The following LINS1 variants were observed in gnomAD, a reference collection of about 807,000 sequenced individuals.
LINS1 encodes the protein lines homolog 1.
LINS1 carries 27 observed loss-of-function variants against 41.6 expected under a neutral mutation model. The ratio of observed to expected loss-of-function variants is 0.65; its 90% CI spans 0.48 to 0.89. The LOEUF is 0.89. Among genes scored for constraint, LINS1 ranks in the 40% least tolerant of loss-of-function variants. LINS1 has a pLI of 0.00. For synonymous variants in LINS1, 336 were observed against 312.9 expected (o/e 1.07, Z -0.78); for missense variants, 955 against 884.1 (o/e 1.08, Z -1.02).
chr15:100,599,527 GCTCTTCACCAACAA>G (rs2039383892), intron 1 of LINS1, among the ~76,000 whole-genome samples: 1 of 152,116 alleles, frequency 6.6e-6, no homozygotes, highest in Non-Finnish European at 1.5e-5. Context: ...CTGTTTCTAG[GCTCTTCACCAACAA>G]GTTCTTAGGC....
chr15:100,588,617 A>G (rs564699955), intron 1 of LINS1, among the ~76,000 whole-genome samples: 9 of 152,336 alleles, frequency 5.9e-5, no homozygotes, highest in African/African-American at 2.2e-4. Context: ...AAGGTCACAA[A>G]CTGCTTCTTT....
At chr15:100,587,182 A>G (rs28770807) in intron 1 of LINS1, among the ~76,000 whole-genome samples, 2,089 of 123,794 alleles carry the variant, frequency 0.017, 42 homozygotes, top group Middle Eastern at 0.036. Flanking sequence ...AAAAAAAAAA[A>G]CATTAGCAGT....
rs760940250 is a variant in LINS1, at chr15:100,569,476, G to A, written c.2036C>T (p.Ser679Leu). 98 of 1,614,088 alleles carry A rather than the reference G, an allele frequency of 6.1e-5. No individual in the cohort carries two copies. The highest frequency in any genetic ancestry group is 8.2e-5 in the Non-Finnish European group (97 of 1,180,034). Residue 679 changes from serine (S) to leucine (L), a missense_variant, in exon 7 of 7, where the codon TCA (serine) becomes TTA (leucine). By Grantham distance (145) the Ser-to-Leu change is moderately radical (BLOSUM62 -2). Transcript: ENST00000314742. ...AAATTCTTTCAGAACCAGAGGCCTT[G>A]ATGGAGGCTCAAGGCTAAATTCTTT... ...DKKEFSLEPP[S>L]RPLVLKEFDT...
intron 3 of LINS1, among the ~76,000 whole-genome samples, chr15:100,576,984 G>A (rs2038225939): frequency 6.6e-6 from 1 of 152,108 alleles, no homozygotes; most frequent in Non-Finnish European, 1.5e-5. Flanking sequence ...AACCCTTCAT[G>A]CTAAAAAACT....
intron 1 of LINS1, among the ~76,000 whole-genome samples, chr15:100,585,474 T>C (rs1312272178): frequency 1.3e-5 from 2 of 152,320 alleles, no homozygotes; most frequent in East Asian, 3.9e-4. Context: ...TTGGAACTGT[T>C]TGGACCCAGT....
intron 3 of LINS1, chr15:100,576,553 G>C (rs924702379): frequency 8.5e-5 from 13 of 152,086 alleles, no homozygotes; most frequent in African/African-American, 3.1e-4. Context: ...ACCAAAAAAA[G>C]CCCAGGACCA....
At chr15:100,585,440 C>A (rs2038758723) in intron 1 of LINS1, among the ~76,000 whole-genome samples, 2 of 152,320 alleles carry the variant, frequency 1.3e-5, no homozygotes, top group Admixed American at 1.3e-4. Context: ...AGCAGGGGGC[C>A]TGGTTAACAT....
At chr15:100,600,565 A>AAAAAAAAAC (rs1228533175) in intron 1 of LINS1, among the ~76,000 whole-genome samples, 2 of 150,624 alleles carry the variant, frequency 1.3e-5, no homozygotes, top group Non-Finnish European at 3.0e-5. Flanking sequence ...AAAAAAAAAA[A>AAAAAAAAAC]AAAAAACAGG....
At chr15:100,589,394 T>C (rs1020296185) in intron 1 of LINS1, among the ~76,000 whole-genome samples, 2 of 152,194 alleles carry the variant, frequency 1.3e-5, no homozygotes, top group African/African-American at 4.8e-5. Context: ...TTGTTTTAGA[T>C]ACATATTTTG....
At chr15:100,588,286 C>T (rs1586971) in intron 1 of LINS1, among the ~76,000 whole-genome samples, 27,740 of 152,166 alleles carry the variant, frequency 0.18, 2,785 homozygotes, top group Admixed American at 0.28. Flanking sequence ...TGTGGCTGTA[C>T]TTTCTCTTTT....
At chr15:100,577,262 G>T (rs1377358100) in intron 3 of LINS1, among the ~76,000 whole-genome samples, 1 of 152,184 alleles carries the variant, frequency 6.6e-6, no homozygotes, top group Non-Finnish European at 1.5e-5. Flanking sequence ...TGACATGATT[G>T]TATATCTAGA....
At chr15:100,592,203 T>C (rs1257008950) in intron 1 of LINS1, among the ~76,000 whole-genome samples, 1 of 152,214 alleles carries the variant, frequency 6.6e-6, no homozygotes, top group Non-Finnish European at 1.5e-5. Flanking sequence ...CTGTGGGGTG[T>C]ACTTTCATTT....
rs187018720 is a variant in LINS1 at position 100,595,891 on chromosome 15, G to A, written c.-104+6230C>T. Among the ~76,000 whole-genome samples the A allele has an allele frequency of 2.0e-3, 297 of 152,286 alleles. 1 individual carries two copies. Among genetic ancestry groups the A allele is most frequent in the Non-Finnish European group, 3.7e-3 (254 of 68,028 alleles). The stretch of plus-strand genomic sequence containing the variant: ...CCTCCAAACCCAGGCTGTCTTCCAG[G>A]ATTCTGGTTCCCTCCACCAATCGAA... On this transcript the variant is annotated intron_variant, in intron 1 of 6. Transcript: ENST00000314742.
intron 1 of LINS1, among the ~76,000 whole-genome samples, chr15:100,585,040 A>C (rs1425346763): frequency 1.3e-5 from 2 of 152,206 alleles, no homozygotes; most frequent in Non-Finnish European, 2.9e-5. Flanking sequence ...GTGGAATGAG[A>C]AGCACGGGAA....
intron 1 of LINS1, among the ~76,000 whole-genome samples, chr15:100,588,654 C>G (rs1428595022): frequency 6.6e-6 from 1 of 152,158 alleles, no homozygotes; most frequent in Non-Finnish European, 1.5e-5. Flanking sequence ...TTAATTTATT[C>G]TGGAGCATTA....
chr15:100,573,966 G>A lies in LINS1; in HGVS notation c.907C>T (p.Leu303Phe), dbSNP rs2141278803. The A allele has an allele frequency of 1.2e-6, 2 of 1,614,182 alleles. No homozygotes were observed. ...ACTTTACAGAGAAGGCACTTTTTGA[G>A]GAATATGATGACCTTCCTTTTAACA... ...AFVKRKVIIF[L>F]KKCLLCKVGE... The change falls in exon 5 of 7, where the codon CTC becomes TTC. Residue 303 changes from leucine to phenylalanine, a missense_variant. By Grantham distance (22) the Leu-to-Phe change is conservative. Transcript: ENST00000314742.
Position 100,568,862 on chromosome 15 carries a change from T to C in LINS1, c.*376A>G, listed in dbSNP as rs1288957742. On this transcript the variant is annotated 3_prime_UTR_variant, in exon 7 of 7. Transcript: ENST00000314742. ...AAACCCAGCCGGGCACAGTGGCTCATGCCTGTAATCCCAGCACTTCGGGAG... is the reference window on the plus strand; with the variant it reads ...AAACCCAGCCGGGCACAGTGGCTCACGCCTGTAATCCCAGCACTTCGGGAG... 1.0e-5 allele frequency: 2 copies of C among 194,152 alleles called. No individual in the cohort carries two copies. The highest frequency in any genetic ancestry group is 1.1e-5 in the Non-Finnish European group (1 of 93,348). The allele number at this position is 194,152 out of a possible 1,614,324, so 12.0% of individuals were successfully genotyped here. A position where few individuals can be genotyped will look rare whatever the true frequency, so the allele number is the denominator to read the frequency against.
chr15:100,584,239 A>G (rs1463745992), intron 1 of LINS1, among the ~76,000 whole-genome samples: 1 of 152,196 alleles, frequency 6.6e-6, no homozygotes, highest in African/African-American at 2.4e-5. Flanking sequence ...TTTCAGCAAC[A>G]AATGGAATTA....
chr15:100,572,077 G>A lies in LINS1; in HGVS notation c.1223-12C>T, dbSNP rs2141270585. The stretch of plus-strand genomic sequence containing the variant: ...CCTCTGTAAGTCAACTTCAAAAAAT[G>A]AAAATTTCAAAGTGTAGGCAATAGT... On this transcript the variant is annotated splice_polypyrimidine_tract_variant and intron_variant, in intron 5 of 6. Transcript: ENST00000314742. The A allele has an allele frequency of 6.2e-7, 1 of 1,613,944 alleles. No individual in the cohort carries two copies. The highest frequency in any genetic ancestry group is 8.5e-7 in the Non-Finnish European group (1 of 1,179,912).
Sources: allele counts gnomAD v4.1 joint callset (sites outside exome capture counted in the v4.1 genomes callset), GRCh38; gene constraint gnomAD v4.1.1; transcripts MANE v1.5; gene names NCBI Gene and HGNC (gene_info 2026-07-23, HGNC 2026-07-21).